Variants in SCAF1 observed in about 807,000 individuals in gnomAD.
SCAF1 encodes the protein splicing factor, arginine/serine-rich 19.
A neutral mutation model predicts 91.2 loss-of-function variants in SCAF1; 28 were observed. The ratio of observed to expected loss-of-function variants is 0.31; its 90% confidence interval spans 0.23 to 0.42. The LOEUF is 0.42. Ranked by LOEUF, SCAF1 falls within the 10% of genes least tolerant of loss-of-function variation. The pLI is 1.00. For missense variants in SCAF1, 1,893 were observed against 1,872.1 expected, an observed-to-expected ratio of 1.01 and a Z score of -0.21; for synonymous variants, 1,036 against 833.7, an observed-to-expected ratio of 1.24 and a Z score of -4.18.
Position 49,651,463 on chromosome 19 carries a change from G to A in SCAF1, c.1074G>A (p.Glu358=), listed in dbSNP as rs771990048. The change falls in exon 7 of 11, where the codon GAG becomes GAA. Residue 358 remains glutamate (E), a synonymous_variant. Coordinates refer to ENST00000360565, the MANE Select transcript of SCAF1 (RefSeq NM_021228.3). ...GGCGGGTCTTCGTGGTGGGGACCGA[G>A]GCAGAGGCTTGTCGGGAAGGCAAGG... The part of the protein sequence containing the change: ...MRRRVFVVGT[E]AEACREGKVS... The A allele has an allele frequency of 4.4e-6, 7 of 1,590,622 alleles. 1 individual carries two copies. In the South Asian group the frequency reaches 5.6e-5, roughly 13 times the overall value.
Position 49,654,768 on chromosome 19 carries a change from G to GAGA in SCAF1, c.3516_3517insAGA (p.Leu1172_Gly1173insArg). ...ACCTGCTTCCTGGCAGCCTCCCTCT[G>GAGA]GGGGGCTGCGGTTCGACCCCCCCCA... On this transcript the variant is annotated inframe_insertion, in exon 9 of 11. Transcript: ENST00000360565. The GAGA allele has an allele frequency of 6.2e-7, 1 of 1,613,450 alleles. No homozygotes were observed. Among genetic ancestry groups the GAGA allele is most frequent in the South Asian group, 1.1e-5 (1 of 91,046 alleles).
chr19:49,656,949 G>A (rs1287241830), intron 9 of SCAF1, among the ~76,000 whole-genome samples: 1 of 152,212 alleles, frequency 6.6e-6, no homozygotes, highest in Non-Finnish European at 1.5e-5. Flanking sequence ...GAGCCCAGGA[G>A]TTCAAGATCA....
At position 49,652,208 on chromosome 19, in the gene SCAF1, C is replaced by A; in HGVS notation, c.1819C>A (p.Arg607=). 3.8e-6 allele frequency: 5 copies of A among 1,311,826 alleles called. No individual in the cohort carries two copies. The highest frequency in any genetic ancestry group is 4.8e-6 in the Non-Finnish European group (5 of 1,032,204). The allele number at this position is 1,311,826 out of a possible 1,614,324, so 81.3% of individuals were successfully genotyped here. Residue 607 remains arginine, a synonymous_variant, in exon 7 of 11, where the codon CGA becomes AGA. Coordinates refer to ENST00000360565, the MANE Select transcript of SCAF1 (RefSeq NM_021228.3). ...CAGGTCGCGGTCCCGGGAGAAGCGGCGACGGCGGCGGCGCTCCGCCTCCCC... is the reference window on the plus strand; with the variant it reads ...CAGGTCGCGGTCCCGGGAGAAGCGGAGACGGCGGCGGCGCTCCGCCTCCCC... ...SRRSRSREKR[R]RRRRSASPPP...
rs531889209 is a variant in SCAF1 at position 49,642,868 on chromosome 19, C to T, written c.-7+626C>T. Among the ~76,000 whole-genome samples, 136 of 152,240 alleles carry T rather than the reference C, an allele frequency of 8.9e-4. No homozygotes were observed. The highest frequency in any genetic ancestry group is 3.2e-3 in the African/African-American group (132 of 41,530). On this transcript the variant is annotated intron_variant, in intron 1 of 10. Transcript: ENST00000360565. This position sits in a 1 kb window ranked among gnomAD's most constrained non-coding sequence, Gnocchi z 4.0. ...TTGGGTTATGCCCACCAGGGAAGGG[C>T]GCCAAATATTGAGATGTACTGAGGG...
Position 49,653,666 on chromosome 19 carries a change from C to T in SCAF1, c.3277C>T (p.Pro1093Ser). Residue 1093 changes from proline (P) to serine (S), a missense_variant, in exon 7 of 11, where the codon CCA becomes TCA. By Grantham distance (74) the Pro-to-Ser change is moderately conservative. Transcript: ENST00000360565. ...TLPPPMPWNL[P>S]AGVDCTTSGV... ...GCCCCCGCCCATGCCCTGGAATCTG[C>T]CAGCTGGTGTGGACTGCACCACCAG... The T allele has an allele frequency of 6.3e-7, 1 of 1,587,956 alleles. No individual in the cohort carries two copies. The highest frequency in any genetic ancestry group is 8.5e-7 in the Non-Finnish European group (1 of 1,172,296).
chr19:49,651,726 T>A lies in SCAF1; in HGVS notation c.1337T>A (p.Phe446Tyr). 7.3e-7 allele frequency: 1 copy of A among 1,372,518 alleles called. No homozygotes were observed. The highest frequency in any genetic ancestry group is 9.3e-7 in the Non-Finnish European group (1 of 1,073,416). 85.0% of individuals were successfully genotyped at this position (1,372,518 alleles called of 1,614,324 possible). Reference sequence around the variant, plus strand: ...CCGCGGGCCCCCGAGGGGGACGACTTCTTGTCCCTGCATGCGGAGTCGGAC... The same window carrying A: ...CCGCGGGCCCCCGAGGGGGACGACTACTTGTCCCTGCATGCGGAGTCGGAC... ...PAPRAPEGDD[F>Y]LSLHAESDGE... Residue 446 changes from phenylalanine (F) to tyrosine (Y), a missense_variant, in exon 7 of 11, where the codon TTC becomes TAC. By Grantham distance (22) the Phe-to-Tyr change is conservative. Transcript: ENST00000360565.
At chr19:49,658,017 C>T in intron 10 of SCAF1, 128 bp downstream of exon 10, 1 of 1,366,480 alleles carries the variant, frequency 7.3e-7, no homozygotes, top group Non-Finnish European at 1.0e-6. Context: ...AGGAGGGTGA[C>T]AGGATTTTCT....
At chr19:49,644,973 C>A in intron 1 of SCAF1, 48 bp from the exon 2 acceptor site, 2 of 1,386,856 alleles carry the variant, frequency 1.4e-6, no homozygotes, top group Non-Finnish European at 2.0e-6. Flanking sequence ...CTACTTCCAT[C>A]CTTTCTCCCG....
intron 6 of SCAF1, among the ~76,000 whole-genome samples, chr19:49,647,999 C>A (rs532476971): frequency 2.6e-5 from 4 of 152,288 alleles, no homozygotes; most frequent in African/African-American, 9.6e-5. Context: ...GTGGCACAGT[C>A]ACAGCTCACT....
chr19:49,656,541 C>T (rs1235722327), intron 9 of SCAF1, among the ~76,000 whole-genome samples: 1 of 152,222 alleles, frequency 6.6e-6, no homozygotes, highest in East Asian at 1.9e-4. Flanking sequence ...CTGTTCTTCT[C>T]TGGTCCCACG....
At chr19:49,656,443 C>A (rs1240290270) in intron 9 of SCAF1, among the ~76,000 whole-genome samples, 1 of 152,224 alleles carries the variant, frequency 6.6e-6, no homozygotes, top group East Asian at 1.9e-4. Context: ...CTCAGTTTAC[C>A]TGCCCCTACT....
chr19:49,652,624 G>C lies in SCAF1; in HGVS notation c.2235G>C (p.Lys745Asn). 6.4e-7 allele frequency: 1 copy of C among 1,563,510 alleles called. No homozygotes were observed. Among genetic ancestry groups the C allele is most frequent in the Non-Finnish European group, 8.7e-7 (1 of 1,154,096 alleles). Residue 745 changes from lysine to asparagine, a missense_variant, in exon 7 of 11, where the codon AAG (lysine) becomes AAC (asparagine). This residue lies in a region of SCAF1 where 1,436 missense variants were observed against 1,306.8 expected (regional missense o/e 1.10). Coordinates refer to ENST00000360565, the MANE Select transcript of SCAF1 (RefSeq NM_021228.3). Reference protein sequence around the residue: ...EGLSGEERGGKSSQKDRRRSG... With the variant: ...EGLSGEERGGNSSQKDRRRSG... Reference sequence around the variant, plus strand: ...TGAGCGGCGAGGAGCGGGGCGGCAAGAGCAGCCAGAAGGATCGGCGCCGCT... The same window carrying C: ...TGAGCGGCGAGGAGCGGGGCGGCAACAGCAGCCAGAAGGATCGGCGCCGCT...
In SCAF1 at chr19:49,646,276, G is replaced by A. The variant is rs2122457777; in HGVS notation, c.261+74G>A. 7.7e-7 allele frequency: 1 copy of A among 1,292,782 alleles called. No homozygotes were observed. Among genetic ancestry groups the A allele is most frequent in the Non-Finnish European group, 1.1e-6 (1 of 932,680 alleles). 80.1% of individuals were successfully genotyped at this position (1,292,782 alleles called of 1,614,324 possible). On this transcript the variant is annotated intron_variant, in intron 4 of 10. Coordinates refer to ENST00000360565, the MANE Select transcript of SCAF1 (RefSeq NM_021228.3). The surrounding 1 kb of genome is among the most constrained non-coding windows in gnomAD (Gnocchi z 5.6). ...GAAGGGATGGGGGCCTGAGTCTGGG[G>A]GAATGGGGTTTGGGGACCTGGACTC...
Position 49,650,904 on chromosome 19 carries a change from C to T in SCAF1, c.515C>T (p.Ala172Val), listed in dbSNP as rs1402895230. ...PQSNSSRPTC[A>V]RHLTLGTGDG... ...TCGAACTCCTCTAGGCCCACCTGTGCCCGTCACCTCACCTTGGGCACGGGA... is the reference window on the plus strand; with the variant it reads ...TCGAACTCCTCTAGGCCCACCTGTGTCCGTCACCTCACCTTGGGCACGGGA... The change falls in exon 7 of 11, where the codon GCC becomes GTC. Residue 172 changes from alanine to valine, a missense_variant. Ala to Val is a moderately conservative substitution (Grantham distance 64). Transcript: ENST00000360565. The T allele has an allele frequency of 6.2e-7, 1 of 1,610,700 alleles. No homozygotes were observed. The highest frequency in any genetic ancestry group is 2.2e-5 in the East Asian group (1 of 44,844).
At position 49,645,488 on chromosome 19, in the gene SCAF1, T is replaced by C. The variant is rs1463566261; in HGVS notation, c.166+77T>C. 14 of 1,457,386 alleles carry C rather than the reference T, an allele frequency of 9.6e-6. No individual in the cohort carries two copies. Among genetic ancestry groups the C allele is most frequent in the Non-Finnish European group, 1.2e-5 (13 of 1,059,958 alleles). 90.3% of individuals were successfully genotyped at this position (1,457,386 alleles called of 1,614,324 possible). On this transcript the variant is annotated intron_variant, in intron 3 of 10. Coordinates refer to ENST00000360565, the MANE Select transcript of SCAF1 (RefSeq NM_021228.3). The surrounding 1 kb of genome is among the most constrained non-coding windows in gnomAD (Gnocchi z 4.6). ...ATCCTAATGTCATTCATACAAGCTT[T>C]TCTGAAGCCTCCTGGGTGCCACCCT... is the stretch of plus-strand genomic sequence containing the variant.
rs778155878 is a variant in SCAF1, at chr19:49,658,374, C to T, written c.3914C>T (p.Pro1305Leu). 15 of 1,547,912 alleles carry T rather than the reference C, an allele frequency of 9.7e-6. No individual in the cohort carries two copies. The highest frequency in any genetic ancestry group is 2.4e-5 in the South Asian group (2 of 84,636). The change falls in exon 11 of 11, where the codon CCG becomes CTG. Residue 1305 changes from proline (P) to leucine (L), a missense_variant. Coordinates refer to ENST00000360565, the MANE Select transcript of SCAF1 (RefSeq NM_021228.3). ...CCAGGGCCCCCAGACAAGGGTGGCC[C>T]GGGCCTGCCCCTGCCCCCTCTCTGA... Reference protein sequence around the residue: ...KEPGPPDKGGPGLPLPPL With the variant: ...KEPGPPDKGGLGLPLPPL
chr19:49,641,882 C>T (rs560099127), upstream of SCAF1, among the ~76,000 whole-genome samples: 13 of 152,370 alleles, frequency 8.5e-5, no homozygotes, highest in South Asian at 2.7e-3. Context: ...CCTCTTACGT[C>T]ACCTCCTGTT....
chr19:49,649,349 C>T (rs1015770863), intron 6 of SCAF1, among the ~76,000 whole-genome samples: 3 of 152,178 alleles, frequency 2.0e-5, no homozygotes, highest in Non-Finnish European at 4.4e-5. Context: ...ACTGTCCTCA[C>T]CCAGCAGCAG....
intron 6 of SCAF1, among the ~76,000 whole-genome samples, chr19:49,650,496 G>A (rs970591771): frequency 2.6e-5 from 4 of 152,106 alleles, no homozygotes; most frequent in Admixed American, 6.6e-5. Flanking sequence ...ATGGGTCGCC[G>A]GCACTGGTCA....
Sources: allele counts gnomAD v4.1 joint callset (sites outside exome capture counted in the v4.1 genomes callset), GRCh38; gene constraint gnomAD v4.1.1; regional missense constraint gnomAD v4.1.1; non-coding constraint Gnocchi (gnomAD v3.1); transcripts MANE v1.5; gene names NCBI Gene and HGNC (gene_info 2026-07-23, HGNC 2026-07-21).